Variants in SORBS2 observed in about 807,000 individuals in gnomAD.
The protein encoded by SORBS2 is sorbin and SH3 domain containing 2, also known as sorbin and SH3 domain-containing protein 2.
Under a neutral mutation model 97.7 loss-of-function variants are expected in SORBS2, and 46 were observed. That is an observed-to-expected ratio of 0.47 (90% CI 0.37 to 0.60). The LOEUF is 0.60. SORBS2 is among the 20% of genes least tolerant of loss of function. The pLI is 0.00. For synonymous variants in SORBS2, 476 were observed against 473.4 expected (o/e 1.01, Z -0.07); for missense variants, 1,316 against 1,282.3 (o/e 1.03, Z -0.40).
chr4:185,771,711 A>G (rs1352261129), intron 2 of SORBS2: 2 of 152,240 alleles, frequency 1.3e-5, no homozygotes, highest in African/African-American at 4.8e-5. Context: ...TAATTTTATA[A>G]TAAATCTATA....
chr4:185,909,985 GAAAA>G (rs142443290), intron 1 of SORBS2, among the ~76,000 whole-genome samples: 1 of 112,664 alleles, frequency 8.9e-6, no homozygotes. Context: ...CTCCATCTCA[GAAAA>G]AAAAAAAAAA....
chr4:185,709,760 T>TA (rs2098401451), intron 2 of SORBS2: 1 of 152,312 alleles, frequency 6.6e-6, no homozygotes, highest in African/African-American at 2.4e-5. Context: ...TCTGCATTAC[T>TA]GTAGGCTCAC....
chr4:185,679,630 G>C (rs2097843839), intron 2 of SORBS2, among the ~76,000 whole-genome samples: 1 of 152,122 alleles, frequency 6.6e-6, no homozygotes, highest in African/African-American at 2.4e-5. Context: ...TAAAGCACAT[G>C]GTCAACTTTA....
At chr4:185,588,402 A>G (rs1270035261) in intron 14 of SORBS2, among the ~76,000 whole-genome samples, 1 of 152,168 alleles carries the variant, frequency 6.6e-6, no homozygotes, top group Non-Finnish European at 1.5e-5. Flanking sequence ...GGTTTCAAAT[A>G]ATGTAATTCC....
intron 2 of SORBS2, among the ~76,000 whole-genome samples, chr4:185,714,470 A>C (rs1033346650): frequency 4.0e-5 from 6 of 151,452 alleles, no homozygotes; most frequent in African/African-American, 1.5e-4. Context: ...TTTTCACCTC[A>C]TCAACACAGA....
At chr4:185,709,737 C>G (rs1019276356) in intron 2 of SORBS2, 1 of 151,986 alleles carries the variant, frequency 6.6e-6, no homozygotes, top group Non-Finnish European at 1.5e-5. Context: ...TCACCTGCCC[C>G]GTCACCCACA....
chr4:185,887,078 C>G (rs938591236), intron 1 of SORBS2, among the ~76,000 whole-genome samples: 13 of 152,128 alleles, frequency 8.5e-5, no homozygotes, highest in African/African-American at 4.8e-5. Flanking sequence ...CACAAACAGC[C>G]TGGGCAGCTG....
intron 1 of SORBS2, among the ~76,000 whole-genome samples, chr4:185,897,149 A>G (rs1345888548): frequency 6.6e-6 from 1 of 152,202 alleles, no homozygotes; most frequent in African/African-American, 2.4e-5. Flanking sequence ...CCGTCACAGT[A>G]ACCACAACCC....
At chr4:185,738,020 A>G (rs1250842777) in intron 2 of SORBS2, among the ~76,000 whole-genome samples, 1 of 152,194 alleles carries the variant, frequency 6.6e-6, no homozygotes, top group Non-Finnish European at 1.5e-5. Context: ...AAACAGTGAG[A>G]GGGAAGCCAC....
intron 1 of SORBS2, among the ~76,000 whole-genome samples, chr4:185,834,286 T>A (rs1353801): frequency 0.031 from 4,721 of 152,114 alleles, 235 homozygotes; most frequent in African/African-American, 0.11. Context: ...GTGAGCCAAT[T>A]ACCTCCCACC....
intron 4 of SORBS2, among the ~76,000 whole-genome samples, chr4:185,636,922 C>T (rs2097017099): frequency 6.6e-6 from 1 of 152,182 alleles, no homozygotes; most frequent in African/African-American, 2.4e-5. Context: ...GCTGGGATTA[C>T]AGGTGTGAGC....
chr4:185,735,694 G>T (rs370765231), intron 2 of SORBS2, among the ~76,000 whole-genome samples: 2 of 151,962 alleles, frequency 1.3e-5, no homozygotes, highest in East Asian at 3.8e-4. Flanking sequence ...CTGTGTGTAC[G>T]TTTGTGTGTG....
Position 185,677,323 on chromosome 4 carries a change from G to T in SORBS2, c.-46+1100C>A, listed in dbSNP as rs1304148219. ...GAAATCCTCCGAGTTTGAGAATCTT[G>T]CCTGTAGTCCTCTTGTAGAACTGGG... On this transcript the variant is annotated intron_variant, in intron 4 of 20. Transcript: ENST00000284776. 3.2e-6 allele frequency: 5 copies of T among 1,552,206 alleles called. No homozygotes were observed. In the African/African-American group the frequency reaches 6.8e-5, roughly 21 times the overall value.
At chr4:185,596,347 T>A (rs1328075028) in intron 12 of SORBS2, among the ~76,000 whole-genome samples, 2 of 152,204 alleles carry the variant, frequency 1.3e-5, no homozygotes, top group East Asian at 3.9e-4. Context: ...TTTTTAGTTA[T>A]CATCATTATA....
intron 13 of SORBS2, among the ~76,000 whole-genome samples, chr4:185,590,573 T>C (rs1295520255): frequency 1.3e-5 from 2 of 152,188 alleles, no homozygotes; most frequent in Middle Eastern, 3.2e-3. Context: ...TTTAAAACTC[T>C]CTCTTGAAAT....
intron 1 of SORBS2, among the ~76,000 whole-genome samples, chr4:185,908,295 ATATATATATATATATATATATATATATT>A (rs2099252459): frequency 1.5e-5 from 1 of 68,788 alleles, no homozygotes; most frequent in Admixed American, 1.3e-4. Flanking sequence ...ATATATATAT[ATATATATATATATATATATATATATATT>A]TGTATACACA....
chr4:185,856,560 A>T lies in SORBS2; in HGVS notation c.-337-81194T>A, dbSNP rs183944926. On this transcript the variant is annotated intron_variant, in intron 1 of 20. Transcript: ENST00000284776. Reference sequence around the variant, plus strand: ...TAAAGCATCTCCAGTAACTTTTTTTAAAAAAGGATCATAAGTTAAAATATT... The same window carrying T: ...TAAAGCATCTCCAGTAACTTTTTTTTAAAAAGGATCATAAGTTAAAATATT... Among the ~76,000 whole-genome samples, 206 of 152,178 alleles carry T rather than the reference A, an allele frequency of 1.4e-3. 1 individual carries two copies. The highest frequency in any genetic ancestry group is 4.6e-3 in the African/African-American group (190 of 41,532).
intron 2 of SORBS2, among the ~76,000 whole-genome samples, chr4:185,703,484 GA>G (rs961260507): frequency 6.6e-6 from 1 of 151,546 alleles, no homozygotes; most frequent in Non-Finnish European, 1.5e-5. Context: ...GCTTTTGAAG[GA>G]AAAAAAACTA....
intron 1 of SORBS2, among the ~76,000 whole-genome samples, chr4:185,933,905 G>A (rs2099267649): frequency 6.6e-6 from 1 of 152,168 alleles, no homozygotes; most frequent in African/African-American, 2.4e-5. Context: ...ACAGAGCTTA[G>A]GAACATAAGT....
Sources: allele counts gnomAD v4.1 joint callset (sites outside exome capture counted in the v4.1 genomes callset), GRCh38; gene constraint gnomAD v4.1.1; transcripts MANE v1.5; gene names NCBI Gene and HGNC (gene_info 2026-07-23, HGNC 2026-07-21).